The following SORBS2 variants were observed in gnomAD, a reference collection of about 807,000 sequenced individuals.
The protein encoded by SORBS2 is sorbin and SH3 domain containing 2.
A neutral mutation model predicts 97.7 loss-of-function variants in SORBS2; 46 were observed. That is an observed-to-expected ratio of 0.47 (90% CI 0.37 to 0.60). The LOEUF (loss-of-function observed/expected upper bound fraction) is 0.60, where lower values mean the gene tolerates loss of function less well. Ranked by LOEUF, SORBS2 falls within the 20% of genes least tolerant of loss-of-function variation. The pLI, the probability that SORBS2 is intolerant of heterozygous loss-of-function variation, is 0.00. For synonymous variants in SORBS2, 476 were observed against 473.4 expected (o/e 1.01, Z -0.07); for missense variants, 1,316 against 1,282.3 (o/e 1.03, Z -0.40).
chr4:185,666,141 G>C (rs940912069), intron 4 of SORBS2: 14 of 1,289,704 alleles, frequency 1.1e-5, no homozygotes, highest in Non-Finnish European at 1.3e-5. Flanking sequence ...CTTCTGGTGT[G>C]GTTTGTCTGT....
At chr4:185,620,091 C>T in exon 8 of SORBS2, 1 of 1,611,514 alleles carries the variant, frequency 6.2e-7, no homozygotes, top group Non-Finnish European at 8.5e-7. Flanking sequence ...TCTTCTTTCC[C>T]TTGGTGCACT....
In SORBS2 at chr4:185,814,473, C is replaced by T. The variant is rs72703849; in HGVS notation, c.-337-39107G>A. Among the ~76,000 whole-genome samples the T allele has an allele frequency of 8.9e-3, 1,353 of 152,134 alleles. 9 individuals are homozygous for T. Among genetic ancestry groups the T allele is most frequent in the Middle Eastern group, 0.027 (8 of 294 alleles). On this transcript the variant is annotated intron_variant, in intron 1 of 20. Transcript: ENST00000284776. ...GGAGGAATGTTTGAGCCTGGGAGGTCGAGGCTGCAGTGAGCTGTGATCACA... is the reference window on the plus strand; with the variant it reads ...GGAGGAATGTTTGAGCCTGGGAGGTTGAGGCTGCAGTGAGCTGTGATCACA...
intron 2 of SORBS2, among the ~76,000 whole-genome samples, chr4:185,683,145 T>C (rs1478361338): frequency 6.6e-6 from 1 of 152,228 alleles, no homozygotes; most frequent in African/African-American, 2.4e-5. Context: ...AGAAATCATA[T>C]GCCTAGTGAT....
rs773205623 is a variant in SORBS2 at position 185,652,746 on chromosome 4, T to C, written c.25-18A>G. The C allele has an allele frequency of 6.2e-7, 1 of 1,605,118 alleles. No individual in the cohort carries two copies. The highest frequency in any genetic ancestry group is 1.7e-5 in the Admixed American group (1 of 59,946). On this transcript the variant is annotated intron_variant, in intron 1 of 14. Coordinates refer to ENST00000418609, the Ensembl canonical transcript of SORBS2. ...TCGACTGTCTGTAATGAAGAGAGCGTCCAATGGTTACAAACTGGCTTCCAA... is the reference window on the plus strand; with the variant it reads ...TCGACTGTCTGTAATGAAGAGAGCGCCCAATGGTTACAAACTGGCTTCCAA...
chr4:185,638,172 A>G lies in SORBS2; in HGVS notation c.397-7574T>C. ...GATTTATGCGATCAGTCTAGAGCAG[A>G]TGTGAAGGAAAAGGGAAGGAAAAGG... On this transcript the variant is annotated intron_variant, in intron 4 of 14. Coordinates refer to ENST00000418609, the Ensembl canonical transcript of SORBS2. The G allele has an allele frequency of 6.4e-7, 1 of 1,561,042 alleles. No individual in the cohort carries two copies. The highest frequency in any genetic ancestry group is 8.8e-7 in the Non-Finnish European group (1 of 1,134,012).
intron 4 of SORBS2, among the ~76,000 whole-genome samples, chr4:185,636,187 A>G (rs1489161283): frequency 6.6e-6 from 1 of 152,046 alleles, no homozygotes; most frequent in African/African-American, 2.4e-5. Context: ...ACCAACAGCA[A>G]CAATACATAT....
At chr4:185,848,474 C>T (rs1174764951) in intron 1 of SORBS2, among the ~76,000 whole-genome samples, 2 of 151,868 alleles carry the variant, frequency 1.3e-5, no homozygotes, top group Non-Finnish European at 2.9e-5. Flanking sequence ...AACTTGAATG[C>T]AAATAAAAAT....
At chr4:185,886,579 G>GAAAAAAAAAAAGAAAAGA (rs375147493) in intron 1 of SORBS2, among the ~76,000 whole-genome samples, 1 of 127,910 alleles carries the variant, frequency 7.8e-6, no homozygotes, top group African/African-American at 2.9e-5. Context: ...AAAAAGAAAA[G>GAAAAAAAAAAAGAAAAGA]AAAAAAAAAA....
intron 1 of SORBS2, among the ~76,000 whole-genome samples, chr4:185,791,260 A>G (rs1258949265): frequency 6.7e-6 from 1 of 148,286 alleles, no homozygotes; most frequent in Non-Finnish European, 1.5e-5. Context: ...ACATTTATGA[A>G]TACATTAAAT....
intron 4 of SORBS2, among the ~76,000 whole-genome samples, chr4:185,643,207 T>G (rs1184740561): frequency 2.6e-5 from 4 of 152,200 alleles, no homozygotes; most frequent in African/African-American, 7.2e-5. Context: ...GAGGTGGGAC[T>G]GTGCTGGGAC....
At chr4:185,751,653 G>GTCA (rs1235917134) in intron 2 of SORBS2, among the ~76,000 whole-genome samples, 1 of 152,150 alleles carries the variant, frequency 6.6e-6, no homozygotes, top group East Asian at 1.9e-4. Flanking sequence ...GAATGTGTGT[G>GTCA]TGTGCACACG....
chr4:185,627,211 CCTT>C (rs2096829778), intron 5 of SORBS2, among the ~76,000 whole-genome samples, 192 bp from the exon 18 acceptor site: 1 of 152,094 alleles, frequency 6.6e-6, no homozygotes, highest in Non-Finnish European at 1.5e-5. Context: ...AATGAATAGA[CCTT>C]ATTATTTATT....
chr4:185,696,721 T>C (rs1361945134), intron 2 of SORBS2, among the ~76,000 whole-genome samples: 1 of 152,140 alleles, frequency 6.6e-6, no homozygotes, highest in Non-Finnish European at 1.5e-5. Flanking sequence ...GGATTACAGG[T>C]GTGAGTCACT....
At chr4:185,849,692 G>A (rs1297621516) in intron 1 of SORBS2, among the ~76,000 whole-genome samples, 1 of 152,004 alleles carries the variant, frequency 6.6e-6, no homozygotes, top group Non-Finnish European at 1.5e-5. Context: ...GGCAGGCCTG[G>A]GACTTTGCCT....
chr4:185,952,219 G>T (rs2099277555), intron 1 of SORBS2, among the ~76,000 whole-genome samples: 1 of 152,058 alleles, frequency 6.6e-6, no homozygotes, highest in Non-Finnish European at 1.5e-5. Context: ...GTAGAGACAG[G>T]GTTTCACCAT....
chr4:185,788,683 A>G (rs1021763929), intron 1 of SORBS2, among the ~76,000 whole-genome samples: 14 of 152,226 alleles, frequency 9.2e-5, no homozygotes, highest in African/African-American at 3.4e-4. Flanking sequence ...ACCTGCAAAG[A>G]CAGAGAAAGA....
intron 1 of SORBS2, chr4:185,917,998 A>G (rs529168393): frequency 1.3e-5 from 2 of 152,348 alleles, no homozygotes; most frequent in South Asian, 2.1e-4. Context: ...TCTTAGTTTC[A>G]TAACGGAAAT....
intron 2 of SORBS2, among the ~76,000 whole-genome samples, chr4:185,714,453 CT>C (rs11367790): frequency 0.78 from 117,419 of 151,096 alleles, 46,855 homozygotes; most frequent in Non-Finnish European, 0.89. Flanking sequence ...TTAGTTTAGG[CT>C]TTTTTTTTTC....
intron 1 of SORBS2, among the ~76,000 whole-genome samples, chr4:185,932,275 G>A (rs1370056121): frequency 1.3e-5 from 2 of 151,666 alleles, no homozygotes; most frequent in Non-Finnish European, 2.9e-5. Context: ...TGGATCCCCT[G>A]ATATACTGAA....
Sources: gnomAD v4.1 joint callset for allele counts (sites outside exome capture counted in the v4.1 genomes callset) on GRCh38, gnomAD v4.1.1 for gene constraint, MANE v1.5 for transcripts, NCBI Gene and HGNC (gene_info 2026-07-23, HGNC 2026-07-21) for gene names.